Variants in MANBA observed in about 807,000 individuals in gnomAD.
The protein encoded by MANBA is beta-mannosidase.
A neutral mutation model predicts 111.1 loss-of-function variants in MANBA; 83 were observed. The ratio of observed to expected loss-of-function variants is 0.75; its 90% CI spans 0.63 to 0.90. The LOEUF (loss-of-function observed/expected upper bound fraction) is 0.90, where lower values mean the gene tolerates loss of function less well. Among genes scored for constraint, MANBA ranks in the 40% least tolerant of loss-of-function variants. The pLI is 0.00. For synonymous variants in MANBA, 370 were observed against 378.7 expected (o/e 0.98, Z 0.27); for missense variants, 1,036 against 1,069.0 (o/e 0.97, Z 0.43).
intron 5 of MANBA, among the ~76,000 whole-genome samples, chr4:102,701,101 T>C (rs1733015102): frequency 6.6e-6 from 1 of 152,242 alleles, no homozygotes; most frequent in Non-Finnish European, 1.5e-5. Context: ...TTTATCCCTT[T>C]ACCATTATGT....
intron 1 of MANBA, among the ~76,000 whole-genome samples, chr4:102,756,976 T>C (rs905554389): frequency 6.6e-6 from 1 of 152,186 alleles, no homozygotes; most frequent in Non-Finnish European, 1.5e-5. Context: ...AAATAGGAAC[T>C]ATAGTCTCAC....
At chr4:102,688,294 C>T (rs753446875) in intron 7 of MANBA, among the ~76,000 whole-genome samples, 28 of 149,644 alleles carry the variant, frequency 1.9e-4, no homozygotes, top group East Asian at 3.9e-4. Context: ...TGCGTGCGCG[C>T]GCACACACAC....
At chr4:102,736,637 C>G (rs1448215704) in intron 1 of MANBA, among the ~76,000 whole-genome samples, 1 of 152,168 alleles carries the variant, frequency 6.6e-6, no homozygotes, top group Non-Finnish European at 1.5e-5. Flanking sequence ...TAAGAAAACA[C>G]TTATCAAAAA....
At chr4:102,756,417 G>A (rs1340225143) in intron 1 of MANBA, among the ~76,000 whole-genome samples, 3 of 152,074 alleles carry the variant, frequency 2.0e-5, no homozygotes, top group African/African-American at 7.2e-5. Flanking sequence ...AGTGGGAATT[G>A]AACAATGAGA....
intron 12 of MANBA, among the ~76,000 whole-genome samples, chr4:102,653,476 A>C (rs1054475025): frequency 1.3e-5 from 2 of 152,206 alleles, no homozygotes; most frequent in African/African-American, 2.4e-5. Context: ...ATGTATCCCA[A>C]ATTAAAGAGA....
At chr4:102,708,191 T>C (rs561597805) in intron 5 of MANBA, among the ~76,000 whole-genome samples, 1 of 152,222 alleles carries the variant, frequency 6.6e-6, no homozygotes, top group South Asian at 2.1e-4. Context: ...ATATTATAGC[T>C]ACAAAATGCA....
At chr4:102,679,452 A>C (rs1288594671) in intron 7 of MANBA, among the ~76,000 whole-genome samples, 1 of 152,176 alleles carries the variant, frequency 6.6e-6, no homozygotes, top group South Asian at 2.1e-4. Context: ...CCAGTTTTTT[A>C]AAAAAGTAAA....
At chr4:102,734,695 C>T (rs919769037) in intron 1 of MANBA, 2 of 946,724 alleles carry the variant, frequency 2.1e-6, no homozygotes, top group Non-Finnish European at 3.2e-6. Context: ...CCTGTTCCCC[C>T]TCTCCATCCC....
intron 11 of MANBA, among the ~76,000 whole-genome samples, chr4:102,663,292 G>A: frequency 6.6e-6 from 1 of 152,064 alleles, no homozygotes; most frequent in East Asian, 1.9e-4. Flanking sequence ...TAATTTTATA[G>A]ATGGGAAAAG....
At chr4:102,735,473 A>T (rs1302329322) in intron 1 of MANBA, among the ~76,000 whole-genome samples, 2 of 151,674 alleles carry the variant, frequency 1.3e-5, no homozygotes, top group African/African-American at 2.4e-5. Context: ...AAAAAAAAAA[A>T]AGAAAGAAAA....
rs935393475 is a variant in MANBA at position 102,657,046 on chromosome 4, A to T, written c.1704+636T>A. 2.6e-5 allele frequency among the ~76,000 whole-genome samples: 4 copies of T among 152,164 alleles called. No individual in the cohort carries two copies. The East Asian group carries it at 7.7e-4, about 29-fold the overall frequency. Reference sequence around the variant, plus strand: ...CTGTGAATATATTGAAGACTATTAAATTGTACACATTAAATGGGTGCATTG... The same window carrying T: ...CTGTGAATATATTGAAGACTATTAATTTGTACACATTAAATGGGTGCATTG... On this transcript the variant is annotated intron_variant, in intron 12 of 16. Coordinates refer to ENST00000647097, the MANE Select transcript of MANBA (RefSeq NM_005908.4).
In MANBA at chr4:102,673,935, G is replaced by T. The variant is rs781133275; in HGVS notation, c.1096C>A (p.Arg366=). The T allele has an allele frequency of 6.2e-7, 1 of 1,610,898 alleles. No individual in the cohort carries two copies. Among genetic ancestry groups the T allele is most frequent in the South Asian group, 1.1e-5 (1 of 91,010 alleles). Residue 366 remains arginine, a synonymous_variant, in exon 8 of 17, where the codon CGA becomes AGA. Coordinates refer to ENST00000647097, the MANE Select transcript of MANBA (RefSeq NM_005908.4). ...ATAACTTACAACTCAGAGGTTACTCGGTCCTGGAATGAATCTGCTGGGATC... is the reference window on the plus strand; with the variant it reads ...ATAACTTACAACTCAGAGGTTACTCTGTCCTGGAATGAATCTGCTGGGATC... The part of the protein sequence containing the change: ...NWIPADSFQD[R]VTSELLRLLL...
chr4:102,756,131 C>T (rs946093385), intron 1 of MANBA, among the ~76,000 whole-genome samples: 1 of 152,146 alleles, frequency 6.6e-6, no homozygotes, highest in African/African-American at 2.4e-5. Context: ...TGGGTATATA[C>T]CCAAAGTATT....
chr4:102,639,692 A>C, intron 14 of MANBA, 21 bp downstream of exon 14: 1 of 1,614,058 alleles, frequency 6.2e-7, no homozygotes, highest in Non-Finnish European at 8.5e-7. Flanking sequence ...TCACTCGCAC[A>C]AAGAACGCTG....
At chr4:102,728,217 T>C in intron 1 of MANBA, 5 of 537,890 alleles carry the variant, frequency 9.3e-6, no homozygotes, top group South Asian at 5.5e-5. Context: ...GCTGGACTCC[T>C]GAGCCTTTTT....
At chr4:102,693,016 T>G (rs1732553328) in intron 5 of MANBA, among the ~76,000 whole-genome samples, 1 of 152,198 alleles carries the variant, frequency 6.6e-6, no homozygotes, top group Non-Finnish European at 1.5e-5. Context: ...AAGCATAGAT[T>G]TGATGCACAT....
At chr4:102,680,687 T>G (rs952269891) in intron 7 of MANBA, among the ~76,000 whole-genome samples, 2 of 152,198 alleles carry the variant, frequency 1.3e-5, no homozygotes, top group African/African-American at 4.8e-5. Context: ...TGGATTAATT[T>G]CTTTGATTTT....
At chr4:102,750,202 T>A (rs1723737024) in intron 1 of MANBA, among the ~76,000 whole-genome samples, 1 of 152,120 alleles carries the variant, frequency 6.6e-6, no homozygotes, top group African/African-American at 2.4e-5. Context: ...TTTAAGTCAG[T>A]CAAACTTTTA....
At chr4:102,720,434 C>CA (rs560893385) in intron 4 of MANBA, among the ~76,000 whole-genome samples, 1,397 of 98,888 alleles carry the variant, frequency 0.014, 61 homozygotes, top group Admixed American at 0.12. Flanking sequence ...GACTCAGTCT[C>CA]AAAAAAAAAA....
Sources: allele counts gnomAD v4.1 joint callset (sites outside exome capture counted in the v4.1 genomes callset), GRCh38; gene constraint gnomAD v4.1.1; transcripts MANE v1.5; gene names NCBI Gene and HGNC (gene_info 2026-07-23, HGNC 2026-07-21).